BEND6: variants seen among roughly 807,000 people sequenced by gnomAD.
The protein encoded by BEND6 is BEN domain-containing protein 6.
BEND6 carries 24 observed loss-of-function variants against 31.8 expected under a neutral mutation model. The ratio of observed to expected loss-of-function variants is 0.75; its 90% confidence interval spans 0.55 to 1.06. BEND6 has a LOEUF of 1.06. BEND6 is among the 50% of genes least tolerant of loss of function. The probability of loss-of-function intolerance (pLI) is 0.00; values close to 1 mark genes in which losing one functional copy is unlikely to be tolerated. For synonymous variants in BEND6, 109 were observed against 114.6 expected (o/e 0.95, Z 0.31); for missense variants, 294 against 327.4 (o/e 0.90, Z 0.79).
At chr6:56,995,704 C>T (rs1562549015) in intron 3 of BEND6, among the ~76,000 whole-genome samples, 1 of 152,150 alleles carries the variant, frequency 6.6e-6, no homozygotes, top group African/African-American at 2.4e-5. Context: ...TATAAGAACA[C>T]CAGTCGCATT....
At chr6:56,966,399 G>A (rs971587036) in intron 1 of BEND6, among the ~76,000 whole-genome samples, 1 of 152,150 alleles carries the variant, frequency 6.6e-6, no homozygotes, top group Admixed American at 6.5e-5. Flanking sequence ...ACTGCGCCTG[G>A]CCTGTTTTTT....
intron 3 of BEND6, among the ~76,000 whole-genome samples, chr6:57,003,552 A>G (rs938329942): frequency 9.2e-5 from 14 of 151,856 alleles, no homozygotes; most frequent in Non-Finnish European, 1.3e-4. Context: ...AAAACTACCA[A>G]TCAAAAAAAA....
At chr6:56,974,789 T>G (rs1243505446) in intron 1 of BEND6, among the ~76,000 whole-genome samples, 1 of 152,232 alleles carries the variant, frequency 6.6e-6, no homozygotes, top group Admixed American at 6.5e-5. Flanking sequence ...ACAGTTTACA[T>G]ACATATCTCA....
At chr6:57,001,817 A>G (rs1413785410) in intron 3 of BEND6, among the ~76,000 whole-genome samples, 1 of 152,272 alleles carries the variant, frequency 6.6e-6, no homozygotes, top group Non-Finnish European at 1.5e-5. Context: ...CAGATACTGT[A>G]AAATAACCAC....
chr6:57,018,646 C>T, intron 6 of BEND6, 89 bp downstream of exon 6: 1 of 1,241,514 alleles, frequency 8.1e-7, no homozygotes, highest in Middle Eastern at 2.9e-4. Flanking sequence ...TCCAATCACT[C>T]TACTAGAAAA....
intron 2 of BEND6, among the ~76,000 whole-genome samples, chr6:56,988,019 C>CT (rs34912760): frequency 0.057 from 7,960 of 138,994 alleles, 420 homozygotes; most frequent in Admixed American, 0.18. Flanking sequence ...TTTTTTCTTT[C>CT]TTTTTTTTTT....
chr6:56,989,076 A>G (rs1232844785), intron 2 of BEND6, among the ~76,000 whole-genome samples: 1 of 151,176 alleles, frequency 6.6e-6, no homozygotes, highest in Non-Finnish European at 1.5e-5. Context: ...AGTTTTATAA[A>G]AATATATACA....
intron 1 of BEND6, among the ~76,000 whole-genome samples, chr6:56,977,483 A>C (rs563228825): frequency 6.6e-6 from 1 of 152,394 alleles, no homozygotes; most frequent in East Asian, 1.9e-4. Context: ...TATATAGAGC[A>C]GAAAAATAAT....
At chr6:57,008,467 G>C (rs1218196768) in intron 3 of BEND6, 9 of 476,284 alleles carry the variant, frequency 1.9e-5, no homozygotes, top group Admixed American at 7.4e-5. Flanking sequence ...ATGCAGACCT[G>C]TCTGTGTGAC....
At chr6:56,964,043 T>A (rs965853378) in intron 1 of BEND6, among the ~76,000 whole-genome samples, 2 of 148,280 alleles carry the variant, frequency 1.3e-5, no homozygotes, top group Admixed American at 1.4e-4. Context: ...ATATTATAAT[T>A]AATATTAATT....
chr6:57,020,834 T>C (rs953208349), intron 6 of BEND6, among the ~76,000 whole-genome samples: 7 of 97,070 alleles, frequency 7.2e-5, no homozygotes, highest in African/African-American at 3.8e-4. Flanking sequence ...TAAACTCTTG[T>C]TTTTTTTTTT....
In BEND6 at chr6:56,955,423, C is replaced by T. The variant is rs1298512360; in HGVS notation, c.-138C>T. On this transcript the variant is annotated 5_prime_UTR_variant, in exon 1 of 7. Transcript: ENST00000370746. ...ACCCTCCACCTCCCACCTCCCTGCG[C>T]CCCGCCCCGAGGTTGGGGCTTTGAA... The T allele has an allele frequency of 6.6e-6, 1 of 152,300 alleles. No individual in the cohort carries two copies. Among genetic ancestry groups the T allele is most frequent in the African/African-American group, 2.4e-5 (1 of 41,464 alleles). The allele number at this position is 152,300 out of a possible 1,614,324, so 9.4% of individuals were successfully genotyped here. A position where few individuals can be genotyped will look rare whatever the true frequency, so the allele number is the denominator to read the frequency against.
At chr6:57,011,715 C>CAAAAAAAAAAAAAAAAAAA (rs770049459) in intron 3 of BEND6, among the ~76,000 whole-genome samples, 3 of 34,094 alleles carry the variant, frequency 8.8e-5, no homozygotes, top group Non-Finnish European at 1.2e-4. Context: ...GGCCCTGTCT[C>CAAAAAAAAAAAAAAAAAAA]AAAAAAAAAA....
At chr6:56,965,821 A>G (rs1203716450) in intron 1 of BEND6, among the ~76,000 whole-genome samples, 1 of 151,852 alleles carries the variant, frequency 6.6e-6, no homozygotes, top group African/African-American at 2.4e-5. Flanking sequence ...ATTTTTATGC[A>G]TAAGCATTGA....
At chr6:56,956,208 G>C (rs1459511672) in intron 1 of BEND6, among the ~76,000 whole-genome samples, 1 of 152,234 alleles carries the variant, frequency 6.6e-6, no homozygotes, top group African/African-American at 2.4e-5. Context: ...TGCATTTGCG[G>C]AGTTTCTTAT....
rs1028421698 is a variant in BEND6, at chr6:57,026,851, A to G, written c.*779A>G. ...GACATGTTCTAACTTTGTATTGCCCAAAGTATATTAAATACAGATGTGTAA... is the reference window on the plus strand; with the variant it reads ...GACATGTTCTAACTTTGTATTGCCCGAAGTATATTAAATACAGATGTGTAA... On this transcript the variant is annotated 3_prime_UTR_variant, in exon 7 of 7. Transcript: ENST00000370746. The G allele has an allele frequency of 4.4e-4, 67 of 152,244 alleles. No individual in the cohort carries two copies. The highest frequency in any genetic ancestry group is 1.5e-3 in the African/African-American group (64 of 41,472). 9.4% of individuals were successfully genotyped at this position (152,244 alleles called of 1,614,324 possible).
In BEND6 at chr6:56,989,036, G is replaced by GTAAA. The variant is rs545806174; in HGVS notation, c.121-3326_121-3323dup. 3.4e-3 allele frequency among the ~76,000 whole-genome samples: 506 copies of GTAAA among 147,610 alleles called. 3 individuals are homozygous for GTAAA. Among genetic ancestry groups the GTAAA allele is most frequent in the African/African-American group, 0.012 (465 of 40,368 alleles). On this transcript the variant is annotated intron_variant, in intron 2 of 6. Transcript: ENST00000370746. ...ACAGAGTGAGATTCCATCTCAAAAA[G>GTAAA]TAAATAAATAAATAAATAATAACAA... is the stretch of plus-strand genomic sequence containing the variant.
At chr6:56,970,325 G>C (rs535304631) in intron 1 of BEND6, among the ~76,000 whole-genome samples, 1 of 152,138 alleles carries the variant, frequency 6.6e-6, no homozygotes, top group East Asian at 1.9e-4. Context: ...CTCCCCAGTA[G>C]CTGGGATTAC....
chr6:56,984,006 C>A (rs1025364831), intron 2 of BEND6, among the ~76,000 whole-genome samples: 1 of 152,038 alleles, frequency 6.6e-6, no homozygotes, highest in Non-Finnish European at 1.5e-5. Context: ...ATCACTTGAG[C>A]CCAGGAGTTT....
Sources: gnomAD v4.1 joint callset for allele counts (sites outside exome capture counted in the v4.1 genomes callset) on GRCh38, gnomAD v4.1.1 for gene constraint, MANE v1.5 for transcripts, NCBI Gene and HGNC (gene_info 2026-07-23, HGNC 2026-07-21) for gene names.